The following PCDHGA6 variants were observed in gnomAD, a reference collection of about 807,000 sequenced individuals.
PCDHGA6 encodes protocadherin gamma-A6.
A neutral mutation model predicts 60.6 loss-of-function variants in PCDHGA6; 41 were observed. The observed-to-expected ratio is 0.68, with a 90% CI of 0.53 to 0.88. The LOEUF is 0.88. PCDHGA6 is among the 40% of genes least tolerant of loss of function. The probability of loss-of-function intolerance (pLI) is 0.00; values close to 1 mark genes in which losing one functional copy is unlikely to be tolerated. For synonymous variants in PCDHGA6, 594 were observed against 524.4 expected, an observed-to-expected ratio of 1.13 and a Z score of -1.81; for missense variants, 1,312 against 1,203.0, an observed-to-expected ratio of 1.09 and a Z score of -1.34.
chr5:141,409,195 T>G lies in PCDHGA6; in HGVS notation c.2424+32688T>G, dbSNP rs750681435. 3.7e-6 allele frequency: 6 copies of G among 1,613,890 alleles called. No homozygotes were observed. The African/African-American group carries it at 8.0e-5, about 22-fold the overall frequency. On this transcript the variant is annotated intron_variant, in intron 1 of 3. Transcript: ENST00000517434. Reference sequence around the variant, plus strand: ...ACGGAGGTGGTCTCTCTACCCAGTGTAAAGTAATCATAGAAATCCTTGATG... The same window carrying G: ...ACGGAGGTGGTCTCTCTACCCAGTGGAAAGTAATCATAGAAATCCTTGATG...
Position 141,490,810 on chromosome 5 carries a change from T to C in PCDHGA6, c.2425-3997T>C, listed in dbSNP as rs2099704652. On this transcript the variant is annotated intron_variant, in intron 1 of 3. Transcript: ENST00000517434. This position sits in a 1 kb window ranked among gnomAD's most constrained non-coding sequence, Gnocchi z 5.4. ...GATCTTTGCCCAGCGTACCTTTGAC[T>C]ATGAATTGCTGCAGATGCTGCAGAT... 1 of 1,613,936 alleles carries C rather than the reference T, an allele frequency of 6.2e-7. No individual in the cohort carries two copies. Among genetic ancestry groups the C allele is most frequent in the Non-Finnish European group, 8.5e-7 (1 of 1,179,884 alleles).
chr5:141,478,612 G>A (rs1311028260), intron 1 of PCDHGA6: 2 of 1,558,218 alleles, frequency 1.3e-6, no homozygotes, highest in African/African-American at 1.4e-5. Flanking sequence ...TATTGAGGAA[G>A]GAATGGAGCT....
At chr5:141,434,392 C>T (rs906051301) in intron 1 of PCDHGA6, among the ~76,000 whole-genome samples, 4 of 152,210 alleles carry the variant, frequency 2.6e-5, no homozygotes, top group African/African-American at 9.6e-5. Context: ...TGGCCATAAA[C>T]AAAATCTCTG....
intron 1 of PCDHGA6, among the ~76,000 whole-genome samples, chr5:141,472,994 A>AAAAG (rs1425445230): frequency 1.3e-5 from 2 of 151,692 alleles, no homozygotes; most frequent in Non-Finnish European, 2.9e-5. Context: ...AAAAAAAAAA[A>AAAAG]AAAGAAAGAA....
rs888556794 is a variant in PCDHGA6 at position 141,493,414 on chromosome 5, A to T, written c.2425-1393A>T. Among the ~76,000 whole-genome samples, 2 of 152,058 alleles carry T rather than the reference A, an allele frequency of 1.3e-5. No individual in the cohort carries two copies. Among genetic ancestry groups the T allele is most frequent in the Admixed American group, 6.6e-5 (1 of 15,248 alleles). ...GGAGAGGGGAGTTGCCTCTGCTGGG[A>T]TTTTGCTTCTGCTGGGATGGGGCAA... On this transcript the variant is annotated intron_variant, in intron 1 of 3. Coordinates refer to ENST00000517434, the MANE Select transcript of PCDHGA6 (RefSeq NM_018919.3). The surrounding 1 kb of genome is among the most constrained non-coding windows in gnomAD (Gnocchi z 4.3).
chr5:141,458,512 T>TG (rs2098947554), intron 1 of PCDHGA6, among the ~76,000 whole-genome samples: 2 of 150,084 alleles, frequency 1.3e-5, no homozygotes, highest in African/African-American at 5.0e-5. Context: ...TTTGACACTT[T>TG]GTTTTTTTTT....
chr5:141,390,276 C>G (rs1475873829), intron 1 of PCDHGA6: 5 of 1,613,990 alleles, frequency 3.1e-6, no homozygotes, highest in Non-Finnish European at 4.2e-6. Context: ...ATTGACTTCC[C>G]ATCAGGTGAG....
chr5:141,384,018 C>G, intron 1 of PCDHGA6: 1 of 1,613,740 alleles, frequency 6.2e-7, no homozygotes, highest in Non-Finnish European at 8.5e-7. Context: ...ACCTACAAGA[C>G]AGAGATTCTG....
intron 1 of PCDHGA6, chr5:141,388,620 G>A (rs2091421768): frequency 6.2e-7 from 1 of 1,613,912 alleles, no homozygotes; most frequent in East Asian, 2.2e-5. Flanking sequence ...CAGTCAAGAC[G>A]TATACAGGGT....
In PCDHGA6 at chr5:141,374,328, G is replaced by T; in HGVS notation, c.245G>T (p.Gly82Val). 1 of 1,613,996 alleles carries T rather than the reference G, an allele frequency of 6.2e-7. No homozygotes were observed. Among genetic ancestry groups the T allele is most frequent in the Non-Finnish European group, 8.5e-7 (1 of 1,179,858 alleles). ...CTTTTCTCTCTGAATCCGCGAAACGGCAGCTTGGTCACCGCGGGTAGGATA... is the reference window on the plus strand; with the variant it reads ...CTTTTCTCTCTGAATCCGCGAAACGTCAGCTTGGTCACCGCGGGTAGGATA... ...MQLFSLNPRN[G>V]SLVTAGRIDR... Residue 82 changes from glycine to valine, a missense_variant, in exon 1 of 4, where the codon GGC (glycine) becomes GTC (valine). By Grantham distance (109) the Gly-to-Val change is moderately radical (BLOSUM62 -3). Coordinates refer to ENST00000517434, the MANE Select transcript of PCDHGA6 (RefSeq NM_018919.3).
In PCDHGA6 at chr5:141,486,403, T is replaced by C; in HGVS notation, c.2425-8404T>C. ...GGAACCAGTTCTCCCTGGTGACTGC[T>C]GGACCCTTGGATCGAGAGGCCAAAT... On this transcript the variant is annotated intron_variant, in intron 1 of 3. Coordinates refer to ENST00000517434, the MANE Select transcript of PCDHGA6 (RefSeq NM_018919.3). This position sits in a 1 kb window ranked among gnomAD's most constrained non-coding sequence, Gnocchi z 5.0. The C allele has an allele frequency of 6.2e-7, 1 of 1,614,212 alleles. No individual in the cohort carries two copies. Among genetic ancestry groups the C allele is most frequent in the Non-Finnish European group, 8.5e-7 (1 of 1,180,034 alleles).
rs767245444 is a variant in PCDHGA6, at chr5:141,393,478, G to A, written c.2424+16971G>A. 1 of 1,614,052 alleles carries A rather than the reference G, an allele frequency of 6.2e-7. No homozygotes were observed. On this transcript the variant is annotated intron_variant, in intron 1 of 3. Transcript: ENST00000517434. ...GCCTCGGATGGCGGCAAGCCGCCTC[G>A]CTCTAGCACAGTGCGCATCCACGTG... is the stretch of plus-strand genomic sequence containing the variant.
At position 141,487,100 on chromosome 5, in the gene PCDHGA6, C is replaced by T. The variant is rs183291629; in HGVS notation, c.2425-7707C>T. On this transcript the variant is annotated intron_variant, in intron 1 of 3. Coordinates refer to ENST00000517434, the MANE Select transcript of PCDHGA6 (RefSeq NM_018919.3). The surrounding 1 kb of genome is among the most constrained non-coding windows in gnomAD (Gnocchi z 5.0). ...CCCAGCTGACCTCCCACCACAGAAG[C>T]TGGTCATTGTGGTAAAGGATAGTGG... The T allele has an allele frequency of 5.6e-4, 909 of 1,614,074 alleles. 2 individuals carry two copies. Among genetic ancestry groups the T allele is most frequent in the Non-Finnish European group, 1.4e-4 (168 of 1,179,960 alleles).
intron 1 of PCDHGA6, among the ~76,000 whole-genome samples, chr5:141,382,481 T>C (rs1778238182): frequency 6.6e-6 from 1 of 152,228 alleles, no homozygotes; most frequent in Non-Finnish European, 1.5e-5. Flanking sequence ...TCTAAGATTA[T>C]CAAACACCGG....
chr5:141,395,558 G>A (rs60237573), intron 1 of PCDHGA6: 1 of 127,936 alleles, frequency 7.8e-6, no homozygotes, highest in South Asian at 2.0e-4. Flanking sequence ...GTGTGTGTGT[G>A]TGTGTGTGTG....
chr5:141,421,395 G>A (rs2096569109), intron 1 of PCDHGA6: 1 of 1,613,950 alleles, frequency 6.2e-7, no homozygotes, highest in Admixed American at 1.7e-5. Flanking sequence ...TGGGGCTGGA[G>A]CCCCGGGAGC....
intron 1 of PCDHGA6, among the ~76,000 whole-genome samples, chr5:141,382,554 T>C (rs1388983108): frequency 6.6e-6 from 1 of 152,216 alleles, no homozygotes; most frequent in African/African-American, 2.4e-5. Flanking sequence ...CAGGGATATC[T>C]AGAGCAAAGA....
intron 1 of PCDHGA6, chr5:141,427,848 C>A: frequency 6.4e-7 from 1 of 1,551,668 alleles, no homozygotes; most frequent in Non-Finnish European, 8.8e-7. Flanking sequence ...CGACCACGAG[C>A]AGCTGTGCGC....
chr5:141,489,165 G>T lies in PCDHGA6; in HGVS notation c.2425-5642G>T. ...GAAGGAGACATAAGAGACTTCAGCT[G>T]CTGCATTCCAAGCCCTGGGTCTACC... On this transcript the variant is annotated intron_variant, in intron 1 of 3. Coordinates refer to ENST00000517434, the MANE Select transcript of PCDHGA6 (RefSeq NM_018919.3). This position sits in a 1 kb window ranked among gnomAD's most constrained non-coding sequence, Gnocchi z 4.5. 9.2e-7 allele frequency: 1 copy of T among 1,082,084 alleles called. No homozygotes were observed. Among genetic ancestry groups the T allele is most frequent in the Non-Finnish European group, 1.3e-6 (1 of 745,856 alleles). 67.0% of individuals were successfully genotyped at this position (1,082,084 alleles called of 1,614,324 possible).
Sources: gnomAD v4.1 joint callset for allele counts (sites outside exome capture counted in the v4.1 genomes callset) on GRCh38, gnomAD v4.1.1 for gene constraint, Gnocchi (gnomAD v3.1) non-coding constraint, MANE v1.5 for transcripts, NCBI Gene and HGNC (gene_info 2026-07-23, HGNC 2026-07-21) for gene names.